The following PTPRM variants were observed in gnomAD, a reference collection of about 807,000 sequenced individuals.
PTPRM encodes the protein receptor-type tyrosine-protein phosphatase mu.
Under a neutral mutation model 186.7 loss-of-function variants are expected in PTPRM, and 47 were observed. The ratio of observed to expected loss-of-function variants is 0.25; its 90% CI spans 0.20 to 0.32. The LOEUF is 0.32. Among genes scored for constraint, PTPRM ranks in the 10% least tolerant of loss-of-function variants. The pLI is 1.00. For missense variants in PTPRM, 1,494 were observed against 1,865.0 expected, an observed-to-expected ratio of 0.80 and a Z score of 3.66; for synonymous variants, 668 against 674.9, an observed-to-expected ratio of 0.99 and a Z score of 0.16.
intron 4 of PTPRM, among the ~76,000 whole-genome samples, chr18:7,923,758 A>AT (rs568053127): frequency 1.8e-3 from 268 of 152,196 alleles, no homozygotes; most frequent in African/African-American, 6.0e-3. Flanking sequence ...AATGGCAACT[A>AT]TTTTTTCTGG....
At chr18:7,867,988 G>GTGTAT (rs1445318643) in intron 2 of PTPRM, among the ~76,000 whole-genome samples, 13 of 152,032 alleles carry the variant, frequency 8.6e-5, no homozygotes, top group African/African-American at 2.4e-4. Flanking sequence ...TGATTGATTT[G>GTGTAT]GCTATTGATA....
At chr18:8,149,525 A>G (rs2092956173) in intron 14 of PTPRM, among the ~76,000 whole-genome samples, 1 of 151,958 alleles carries the variant, frequency 6.6e-6, no homozygotes. Flanking sequence ...CCATCCATTT[A>G]TTTTGAGCCG....
chr18:8,370,851 C>T (rs750482196), intron 23 of PTPRM, 39 bp from the exon 24 acceptor site: 2 of 1,376,280 alleles, frequency 1.5e-6, no homozygotes, highest in South Asian at 2.7e-5. Flanking sequence ...CCAAAAAAAC[C>T]AAACTGTAAA....
intron 14 of PTPRM, among the ~76,000 whole-genome samples, chr18:8,180,135 G>A (rs1265177584): frequency 1.3e-5 from 2 of 151,836 alleles, no homozygotes; most frequent in Non-Finnish European, 2.9e-5. Flanking sequence ...GAAAGGGAGG[G>A]GAAAAAAAAC....
rs143761357 is a variant in PTPRM, at chr18:7,996,444, A to G, written c.1132+41030A>G. 9.5e-3 allele frequency among the ~76,000 whole-genome samples: 1,441 copies of G among 152,262 alleles called. 7 individuals carry two copies. Among genetic ancestry groups the G allele is most frequent in the South Asian group, 0.033 (160 of 4,832 alleles). ...ACATACAGCTAACATCATACCAAACAGAATAATTTGAAGCTTTTCCTCTAA... is the reference window on the plus strand; with the variant it reads ...ACATACAGCTAACATCATACCAAACGGAATAATTTGAAGCTTTTCCTCTAA... On this transcript the variant is annotated intron_variant, in intron 7 of 32. Coordinates refer to ENST00000580170, the MANE Select transcript of PTPRM (RefSeq NM_001105244.2).
chr18:7,739,739 C>G (rs947020993), intron 1 of PTPRM, among the ~76,000 whole-genome samples: 1 of 152,184 alleles, frequency 6.6e-6, no homozygotes, highest in African/African-American at 2.4e-5. Context: ...GTCTCCTTGC[C>G]TTTGCTTCTG....
intron 5 of PTPRM, among the ~76,000 whole-genome samples, chr18:7,942,014 G>A (rs750268308): frequency 2.4e-4 from 37 of 152,090 alleles, no homozygotes; most frequent in Non-Finnish European, 3.5e-4. Context: ...GGCTGGGTGC[G>A]ATGGCTCACA....
chr18:8,042,734 C>T (rs2086772030), intron 7 of PTPRM, among the ~76,000 whole-genome samples: 1 of 151,974 alleles, frequency 6.6e-6, no homozygotes, highest in African/African-American at 2.4e-5. Flanking sequence ...TCCCATTGTC[C>T]CCTGTCCTGG....
chr18:8,308,929 G>A (rs1312214221), intron 20 of PTPRM, among the ~76,000 whole-genome samples: 2 of 152,192 alleles, frequency 1.3e-5, no homozygotes, highest in Non-Finnish European at 2.9e-5. Flanking sequence ...AGCACAGAAA[G>A]TTCTACTGGA....
At chr18:7,618,776 A>T (rs2143944807) in intron 1 of PTPRM, among the ~76,000 whole-genome samples, 1 of 152,328 alleles carries the variant, frequency 6.6e-6, no homozygotes, top group Non-Finnish European at 1.5e-5. Context: ...AACGCTTGTT[A>T]AGCTTTTTCT....
chr18:8,359,152 A>G (rs2095581574), intron 23 of PTPRM, among the ~76,000 whole-genome samples: 3 of 152,264 alleles, frequency 2.0e-5, no homozygotes, highest in Admixed American at 1.3e-4. Context: ...AATACAAATC[A>G]GGCTTCAGAG....
intron 1 of PTPRM, among the ~76,000 whole-genome samples, chr18:7,707,796 C>T (rs1189964353): frequency 1.3e-5 from 2 of 152,146 alleles, no homozygotes; most frequent in African/African-American, 4.8e-5. Flanking sequence ...CTAACAGTAA[C>T]TTGGTATGTG....
Position 7,935,384 on chromosome 18 carries a change from C to A in PTPRM, c.663+8701C>A, listed in dbSNP as rs541813471. The stretch of plus-strand genomic sequence containing the variant: ...GCTACTGAAAACCTTTAGGCGTATA[C>A]CTTATGTTTTAACTTAATATGATTT... On this transcript the variant is annotated intron_variant, in intron 5 of 32. Coordinates refer to ENST00000580170, the MANE Select transcript of PTPRM (RefSeq NM_001105244.2). Among the ~76,000 whole-genome samples the A allele has an allele frequency of 1.8e-4, 28 of 152,184 alleles. No homozygotes were observed. In the South Asian group the frequency reaches 4.4e-3, roughly 24 times the overall value.
intron 4 of PTPRM, among the ~76,000 whole-genome samples, chr18:7,921,381 A>ATTTT (rs368367424): frequency 7.3e-6 from 1 of 136,112 alleles, no homozygotes; most frequent in Admixed American, 7.3e-5. Context: ...CCTCTAATGA[A>ATTTT]TTTTTTTTTT....
intron 11 of PTPRM, among the ~76,000 whole-genome samples, chr18:8,107,813 C>T (rs751918477): frequency 1.3e-5 from 2 of 152,186 alleles, no homozygotes; most frequent in Non-Finnish European, 2.9e-5. Flanking sequence ...TACCATTTAT[C>T]ATTGATAATT....
intron 14 of PTPRM, among the ~76,000 whole-genome samples, chr18:8,231,531 C>T (rs1211775239): frequency 6.6e-6 from 1 of 152,130 alleles, no homozygotes; most frequent in African/African-American, 2.4e-5. Context: ...GTGATTCATA[C>T]CCATCATAAA....
At position 8,100,330 on chromosome 18, in the gene PTPRM, G is replaced by A. The variant is rs370517923; in HGVS notation, c.1856+11479G>A. 5.3e-4 allele frequency among the ~76,000 whole-genome samples: 80 copies of A among 152,178 alleles called. 1 individual carries two copies. The East Asian group carries it at 9.3e-3, about 18-fold the overall frequency. ...CTAATTTTGTATTTTTAGTAGAGAC[G>A]GGGTTTTGCTATGTTGGCCAAGCTG... On this transcript the variant is annotated intron_variant, in intron 11 of 32. Coordinates refer to ENST00000580170, the MANE Select transcript of PTPRM (RefSeq NM_001105244.2).
At chr18:7,602,120 A>G (rs778393488) in intron 1 of PTPRM, among the ~76,000 whole-genome samples, 17 of 152,164 alleles carry the variant, frequency 1.1e-4, no homozygotes, top group Non-Finnish European at 2.5e-4. Context: ...AGAATCAGCA[A>G]TGAATTGGCC....
rs771016693 is a variant in PTPRM, at chr18:8,257,297, G to T, written c.2754+3883G>T. 2.6e-5 allele frequency among the ~76,000 whole-genome samples: 4 copies of T among 152,292 alleles called. No homozygotes were observed. In the South Asian group the frequency reaches 8.3e-4, roughly 32 times the overall value. ...GTTCTATATGCCTGAGTCCCAGGAC[G>T]GGCTGGTCTGTGGGATGAGGGTGGT... On this transcript the variant is annotated intron_variant, in intron 19 of 32. Transcript: ENST00000580170.
Sources: allele counts gnomAD v4.1 joint callset (sites outside exome capture counted in the v4.1 genomes callset), GRCh38; gene constraint gnomAD v4.1.1; transcripts MANE v1.5; gene names NCBI Gene and HGNC (gene_info 2026-07-23, HGNC 2026-07-21).